Variants in MTHFD2L observed in about 807,000 individuals in gnomAD.
The protein encoded by MTHFD2L is bifunctional methylenetetrahydrofolate dehydrogenase/cyclohydrolase 2, mitochondrial.
In MTHFD2L, 29 loss-of-function variants were observed where a neutral mutation model predicts 34.9. That is an observed-to-expected ratio of 0.83 (90% CI 0.62 to 1.13). The LOEUF (loss-of-function observed/expected upper bound fraction) is 1.13, where lower values mean the gene tolerates loss of function less well. MTHFD2L is among the 50% of genes most tolerant of loss of function. The pLI is 0.00. For synonymous variants in MTHFD2L, 167 were observed against 155.7 expected (o/e 1.07, Z -0.54); for missense variants, 481 against 446.5 (o/e 1.08, Z -0.70).
intron 6 of MTHFD2L, among the ~76,000 whole-genome samples, chr4:74,270,106 G>A (rs1745765717): frequency 6.6e-6 from 1 of 151,870 alleles, no homozygotes; most frequent in African/African-American, 2.4e-5. Flanking sequence ...AAAGATAAAG[G>A]TTAGTTTTAG....
chr4:74,207,472 A>G (rs1275004850), intron 5 of MTHFD2L, among the ~76,000 whole-genome samples: 2 of 152,144 alleles, frequency 1.3e-5, no homozygotes, highest in African/African-American at 4.8e-5. Flanking sequence ...AGTACTTATT[A>G]TCTGGGAAAC....
chr4:74,215,836 C>T (rs1737121357), intron 5 of MTHFD2L, among the ~76,000 whole-genome samples: 1 of 151,690 alleles, frequency 6.6e-6, no homozygotes, highest in South Asian at 2.1e-4. Context: ...TGCATAGATA[C>T]ATTCCTACTG....
chr4:74,210,444 G>T lies in MTHFD2L; in HGVS notation c.712+9074G>T, dbSNP rs994146712. 2.0e-5 allele frequency among the ~76,000 whole-genome samples: 3 copies of T among 152,130 alleles called. No homozygotes were observed. The East Asian group carries it at 5.8e-4, about 29-fold the overall frequency. On this transcript the variant is annotated intron_variant, in intron 5 of 7. Coordinates refer to ENST00000325278, the MANE Select transcript of MTHFD2L (RefSeq NM_001144978.3). ...TTTCCCAACACCATTGATTAAATAG[G>T]GAATCCTTTCCCCATTACTTTTTTT...
intron 6 of MTHFD2L, among the ~76,000 whole-genome samples, chr4:74,278,839 A>T (rs761035457): frequency 1.3e-5 from 2 of 152,120 alleles, no homozygotes; most frequent in African/African-American, 2.4e-5. Flanking sequence ...TAAAACCATC[A>T]CAATGCCAAT....
At chr4:74,196,161 C>A (rs550520295) in intron 3 of MTHFD2L, among the ~76,000 whole-genome samples, 1 of 151,970 alleles carries the variant, frequency 6.6e-6, no homozygotes, top group South Asian at 2.1e-4. Flanking sequence ...AACTAGTGTG[C>A]TAAGTATTTT....
At chr4:74,275,698 A>G (rs894974661) in intron 6 of MTHFD2L, among the ~76,000 whole-genome samples, 1 of 151,432 alleles carries the variant, frequency 6.6e-6, no homozygotes, top group African/African-American at 2.4e-5. Context: ...ATGATCAGTG[A>G]TGTTGAGCTT....
intron 6 of MTHFD2L, among the ~76,000 whole-genome samples, chr4:74,231,445 A>G (rs1413079863): frequency 6.6e-6 from 1 of 152,164 alleles, no homozygotes; most frequent in Non-Finnish European, 1.5e-5. Context: ...TACGGCCCTG[A>G]GTGCTTCCTG....
intron 6 of MTHFD2L, among the ~76,000 whole-genome samples, chr4:74,237,340 C>T (rs1204413408): frequency 6.6e-6 from 1 of 152,126 alleles, no homozygotes; most frequent in Non-Finnish European, 1.5e-5. Flanking sequence ...GAATGAATTC[C>T]TTTCTTTAGA....
chr4:74,240,723 T>C (rs543909396), intron 6 of MTHFD2L, among the ~76,000 whole-genome samples: 16 of 152,292 alleles, frequency 1.1e-4, no homozygotes, highest in Non-Finnish European at 1.9e-4. Flanking sequence ...CTAAAATGTA[T>C]TGATTTCATA....
chr4:74,186,763 T>A (rs1731363471), intron 3 of MTHFD2L, among the ~76,000 whole-genome samples: 1 of 152,122 alleles, frequency 6.6e-6, no homozygotes, highest in Non-Finnish European at 1.5e-5. Context: ...TTCCTCCAAC[T>A]GATTTGTAGG....
At chr4:74,122,423 G>A (rs1482200333), upstream of MTHFD2L, among the ~76,000 whole-genome samples, 2 of 152,136 alleles carry the variant, frequency 1.3e-5, no homozygotes, top group East Asian at 1.9e-4. Flanking sequence ...ATAATTCACT[G>A]TCATGAGAAG....
At chr4:74,163,128 C>G (rs1725822340) in intron 1 of MTHFD2L, among the ~76,000 whole-genome samples, 1 of 151,994 alleles carries the variant, frequency 6.6e-6, no homozygotes, top group Non-Finnish European at 1.5e-5. Flanking sequence ...ATCATCAGTA[C>G]ATGTGACTTG....
At chr4:74,167,387 A>G (rs573063232) in intron 1 of MTHFD2L, among the ~76,000 whole-genome samples, 5 of 152,362 alleles carry the variant, frequency 3.3e-5, no homozygotes, top group East Asian at 1.9e-4. Flanking sequence ...CTTGTGAACC[A>G]TTAGGGAAAC....
chr4:74,153,674 C>T (rs1167008798), upstream of MTHFD2L, among the ~76,000 whole-genome samples: 2 of 152,066 alleles, frequency 1.3e-5, no homozygotes, highest in Non-Finnish European at 2.9e-5. Flanking sequence ...ATAAATAAAA[C>T]TTGGATAAAG....
At chr4:74,178,585 G>A (rs1258442727) in intron 3 of MTHFD2L, among the ~76,000 whole-genome samples, 2 of 151,910 alleles carry the variant, frequency 1.3e-5, no homozygotes, top group Admixed American at 1.3e-4. Flanking sequence ...AACAGAGAGT[G>A]TGAGAAGCAT....
intron 6 of MTHFD2L, among the ~76,000 whole-genome samples, chr4:74,275,485 T>C (rs962688501): frequency 2.0e-5 from 3 of 152,162 alleles, no homozygotes; most frequent in Admixed American, 2.0e-4. Flanking sequence ...CTGGGTCAAA[T>C]GGTATTTCTG....
At chr4:74,176,197 C>T (rs1393981646) in intron 3 of MTHFD2L, among the ~76,000 whole-genome samples, 4 of 152,022 alleles carry the variant, frequency 2.6e-5, no homozygotes, top group Admixed American at 2.6e-4. Flanking sequence ...CCTCTGGCTG[C>T]GTAACTACGT....
At chr4:74,234,518 A>G (rs1045939492) in intron 6 of MTHFD2L, among the ~76,000 whole-genome samples, 9 of 152,044 alleles carry the variant, frequency 5.9e-5, no homozygotes, top group African/African-American at 2.2e-4. Flanking sequence ...TATTGCTATT[A>G]TGAACAGTTC....
At position 74,230,441 on chromosome 4, in the gene MTHFD2L, T is replaced by G. The variant is rs1012334128; in HGVS notation, c.805+5047T>G. On this transcript the variant is annotated intron_variant, in intron 6 of 7. Coordinates refer to ENST00000325278, the MANE Select transcript of MTHFD2L (RefSeq NM_001144978.3). ...CCTGTCTCTACTAAAAATACAAAAA[T>G]TAGCCAGGTGTGGTGGTGGGTGCCT... Among the ~76,000 whole-genome samples the G allele has an allele frequency of 2.6e-5, 4 of 151,574 alleles. No homozygotes were observed. The South Asian group carries it at 8.4e-4, about 32-fold the overall frequency.
Sources: allele counts gnomAD v4.1 joint callset (sites outside exome capture counted in the v4.1 genomes callset), GRCh38; gene constraint gnomAD v4.1.1; transcripts MANE v1.5; gene names NCBI Gene and HGNC (gene_info 2026-07-23, HGNC 2026-07-21).